DNAH11: variants seen among roughly 807,000 people sequenced by gnomAD.
DNAH11 encodes the protein dynein axonemal heavy chain 11, also known as axonemal beta dynein heavy chain 11.
A neutral mutation model predicts 526.0 loss-of-function variants in DNAH11; 442 were observed. The ratio of observed to expected loss-of-function variants is 0.84; its 90% CI spans 0.78 to 0.91. DNAH11 has a LOEUF of 0.91. DNAH11 is among the 40% of genes least tolerant of loss of function. The probability of loss-of-function intolerance (pLI) is 0.00; values close to 1 mark genes in which losing one functional copy is unlikely to be tolerated. For synonymous variants in DNAH11, 2,461 were observed against 1,935.9 expected, an observed-to-expected ratio of 1.27 and a Z score of -7.12; for missense variants, 6,989 against 5,448.7, an observed-to-expected ratio of 1.28 and a Z score of -8.90.
At chr7:21,662,919 G>A (rs548058122) in intron 30 of DNAH11, among the ~76,000 whole-genome samples, 9 of 152,116 alleles carry the variant, frequency 5.9e-5, no homozygotes, top group Admixed American at 2.0e-4. Flanking sequence ...GCTTTTTAGG[G>A]TATCTTTCAT....
intron 54 of DNAH11, among the ~76,000 whole-genome samples, chr7:21,754,876 A>G (rs1436234574): frequency 6.6e-6 from 1 of 152,116 alleles, no homozygotes; most frequent in Non-Finnish European, 1.5e-5. Context: ...TAATTTATGT[A>G]TGTTACCCCC....
chr7:21,870,041 C>A (rs1394525126), intron 73 of DNAH11, among the ~76,000 whole-genome samples: 2 of 152,210 alleles, frequency 1.3e-5, no homozygotes, highest in Non-Finnish European at 2.9e-5. Context: ...AGGCAATTCA[C>A]AGGCTGCCTT....
intron 55 of DNAH11, among the ~76,000 whole-genome samples, chr7:21,765,896 A>G (rs1787166190): frequency 6.6e-6 from 1 of 152,178 alleles, no homozygotes; most frequent in Admixed American, 6.5e-5. Context: ...GCCCAGGATC[A>G]TTACTTCCTT....
At chr7:21,825,315 A>C (rs1269677878) in intron 65 of DNAH11, among the ~76,000 whole-genome samples, 1 of 152,238 alleles carries the variant, frequency 6.6e-6, no homozygotes, top group Non-Finnish European at 1.5e-5. Context: ...GTATACATCT[A>C]CAGGTACACA....
chr7:21,744,924 G>A lies in DNAH11; in HGVS notation c.8371G>A (p.Asp2791Asn), dbSNP rs752427757. 7 of 1,611,074 alleles carry A rather than the reference G, an allele frequency of 4.3e-6. No homozygotes were observed. Among genetic ancestry groups the A allele is most frequent in the Non-Finnish European group, 5.9e-6 (7 of 1,178,672 alleles). The change falls in exon 51 of 82, where the codon GAT (aspartate) becomes AAT (asparagine). Residue 2791 changes from aspartate (D) to asparagine (N), a missense_variant. Asp to Asn is a conservative substitution (Grantham distance 23). Coordinates refer to ENST00000409508, the MANE Select transcript of DNAH11 (RefSeq NM_001277115.2). ...GCCCCTCATTTATTGCCACTTTGCT[G>A]ATAGAGGGAAGGACCCACATTACAT... is the stretch of plus-strand genomic sequence containing the variant. ...QQPLIYCHFA[D>N]RGKDPHYMPV...
chr7:21,561,029 GTTTATA>G (rs1002136383), intron 4 of DNAH11, 36 bp from the exon 5 acceptor site: 14 of 1,372,408 alleles, frequency 1.0e-5, no homozygotes, highest in East Asian at 2.5e-5. Flanking sequence ...TAGTAATCGA[GTTTATA>G]TTTATTAAAG....
intron 55 of DNAH11, among the ~76,000 whole-genome samples, chr7:21,768,195 A>C (rs772397229): frequency 4.6e-5 from 7 of 152,174 alleles, no homozygotes; most frequent in Non-Finnish European, 1.0e-4. Context: ...TGGAGATGGG[A>C]GGAGGTGTGT....
intron 25 of DNAH11, among the ~76,000 whole-genome samples, chr7:21,634,754 C>T (rs985037426): frequency 6.6e-6 from 1 of 151,856 alleles, no homozygotes; most frequent in African/African-American, 2.4e-5. Context: ...GCACACCAAA[C>T]TCCCATAACA....
rs1788198555 is a variant in DNAH11 at position 21,786,480 on chromosome 7, C to T, written c.9598-144C>T. 5.2e-6 allele frequency: 5 copies of T among 970,638 alleles called. 1 individual carries two copies. The highest frequency in any genetic ancestry group is 4.9e-5 in the African/African-American group (3 of 61,460). The allele number at this position is 970,638 out of a possible 1,614,324, so 60.1% of individuals were successfully genotyped here. On this transcript the variant is annotated intron_variant, in intron 58 of 81. Transcript: ENST00000409508. The stretch of plus-strand genomic sequence containing the variant: ...CTCCTGGAGTTCCAAGGTGGAGTCC[C>T]CAGGTGGCAAAGAATTGCCAAATTG...
rs10269832 is a variant in DNAH11, at chr7:21,545,120, C to G, written c.466C>G (p.Leu156Val). 3.1e-6 allele frequency: 5 copies of G among 1,610,710 alleles called. No homozygotes were observed. The highest frequency in any genetic ancestry group is 1.7e-5 in the Admixed American group (1 of 59,668). ...ATTTGGAGAGTTACCTGCGTTGTCT[C>G]TTGGACATGTATCTGCTTTCCTTGA... ...VLFGELPALS[L>V]GHVSAFLDEI... The change falls in exon 2 of 82, where the codon CTT becomes GTT. Residue 156 changes from leucine to valine, a missense_variant. By Grantham distance (32) the Leu-to-Val change is conservative (BLOSUM62 1). Coordinates refer to ENST00000409508, the MANE Select transcript of DNAH11 (RefSeq NM_001277115.2).
rs778096489 is a variant in DNAH11 at position 21,852,547 on chromosome 7, G to A, written c.10977G>A (p.Ala3659=). ...LEDDLLLRLS[A]AEGSFLDDTK... ...ACGATCTCCTTTTGCGCCTTTCTGC[G>A]GCAGAGGGAAGCTTTCTGGATGACA... Residue 3659 remains alanine, a synonymous_variant, in exon 67 of 82, where the codon GCG becomes GCA. Coordinates refer to ENST00000409508, the MANE Select transcript of DNAH11 (RefSeq NM_001277115.2). 33 of 1,612,898 alleles carry A rather than the reference G, an allele frequency of 2.0e-5. No individual in the cohort carries two copies. Among genetic ancestry groups the A allele is most frequent in the African/African-American group, 1.2e-4 (9 of 74,820 alleles).
chr7:21,704,576 G>C lies in DNAH11; in HGVS notation c.6416G>C (p.Arg2139Thr). The C allele has an allele frequency of 6.2e-7, 1 of 1,613,728 alleles. No individual in the cohort carries two copies. Among genetic ancestry groups the C allele is most frequent in the Non-Finnish European group, 8.5e-7 (1 of 1,179,782 alleles). The change falls in exon 38 of 82, where the codon AGG becomes ACG. Residue 2139 changes from arginine to threonine, a missense_variant. Coordinates refer to ENST00000409508, the MANE Select transcript of DNAH11 (RefSeq NM_001277115.2). The part of the protein sequence containing the change: ...RRKLHFEQMV[R>T]QSTLELRLQP... ...AAGCTGCACTTTGAACAGATGGTCA[G>C]GCAGTCTACCCTGGAGCTCCGCCTG...
At chr7:21,767,247 G>C (rs1264531243) in intron 55 of DNAH11, among the ~76,000 whole-genome samples, 6 of 152,116 alleles carry the variant, frequency 3.9e-5, no homozygotes, top group Admixed American at 3.3e-4. Flanking sequence ...GGCTGGTTTG[G>C]TAAGGAAGAG....
At chr7:21,867,546 G>T (rs1261847038) in intron 71 of DNAH11, among the ~76,000 whole-genome samples, 1 of 152,166 alleles carries the variant, frequency 6.6e-6, no homozygotes, top group African/African-American at 2.4e-5. Flanking sequence ...AATAAGTAAT[G>T]GGGGAATCTG....
intron 61 of DNAH11, among the ~76,000 whole-genome samples, chr7:21,794,092 C>T (rs943338305): frequency 6.6e-6 from 1 of 152,180 alleles, no homozygotes; most frequent in African/African-American, 2.4e-5. Context: ...TTCTCAGTTC[C>T]AGGATTTTTA....
intron 18 of DNAH11, among the ~76,000 whole-genome samples, chr7:21,604,014 G>A (rs565305639): frequency 1.5e-4 from 23 of 152,160 alleles, no homozygotes; most frequent in African/African-American, 4.6e-4. Context: ...ATTCATAGGC[G>A]GTATGTGGTG....
At chr7:21,767,129 T>C (rs1056101576) in intron 55 of DNAH11, among the ~76,000 whole-genome samples, 1 of 152,220 alleles carries the variant, frequency 6.6e-6, no homozygotes, top group African/African-American at 2.4e-5. Flanking sequence ...TGGAATTTTC[T>C]AGGGCATCAT....
At chr7:21,675,518 C>T (rs1168737925) in intron 30 of DNAH11, among the ~76,000 whole-genome samples, 1 of 152,148 alleles carries the variant, frequency 6.6e-6, no homozygotes, top group Non-Finnish European at 1.5e-5. Flanking sequence ...TTCTACTTGC[C>T]CTAGCAAAAC....
At chr7:21,723,503 A>C (rs1363445174) in intron 44 of DNAH11, among the ~76,000 whole-genome samples, 1 of 152,082 alleles carries the variant, frequency 6.6e-6, no homozygotes, top group Non-Finnish European at 1.5e-5. Flanking sequence ...TAGCCTCCTC[A>C]CTGGGCTTTC....
Sources: gnomAD v4.1 joint callset for allele counts (sites outside exome capture counted in the v4.1 genomes callset) on GRCh38, gnomAD v4.1.1 for gene constraint, MANE v1.5 for transcripts, NCBI Gene and HGNC (gene_info 2026-07-23, HGNC 2026-07-21) for gene names.